Variants in AGAP9 observed in about 807,000 individuals in gnomAD.
AGAP9 encodes the protein ArfGAP with GTPase domain, ankyrin repeat and PH domain 9.
Under a neutral mutation model 55.6 loss-of-function variants are expected in AGAP9, and 23 were observed. The ratio of observed to expected loss-of-function variants is 0.41; its 90% CI spans 0.30 to 0.59. The LOEUF is 0.59. Ranked by LOEUF, AGAP9 falls within the 20% of genes least tolerant of loss-of-function variation. AGAP9 has a pLI of 0.25. For missense variants in AGAP9, 309 were observed against 808.1 expected (o/e 0.38, Z 7.49); for synonymous variants, 120 against 305.0 (o/e 0.39, Z 6.32).
intron 4 of AGAP9, among the ~76,000 whole-genome samples, chr10:47,517,506 A>G (rs1840740906): frequency 6.8e-6 from 1 of 147,820 alleles, no homozygotes; most frequent in South Asian, 2.1e-4. Context: ...TCCTGACCTC[A>G]GATGATCAGC....
At chr10:47,513,606 T>C (rs1156703763) in intron 4 of AGAP9, among the ~76,000 whole-genome samples, 2 of 140,070 alleles carry the variant, frequency 1.4e-5, no homozygotes, top group African/African-American at 5.2e-5. Context: ...ACAACAAATC[T>C]GGAGGCATGA....
rs1840479960 is a variant in AGAP9 at position 47,506,452 on chromosome 10, T to A, written c.533+1096A>T. On this transcript the variant is annotated intron_variant, in intron 6 of 7. Coordinates refer to ENST00000452145, the MANE Select transcript of AGAP9 (RefSeq NM_001190810.1). ...CTCAAGTGATTCTCCTGCCTCAGCCTCCCAAGTAACTGGGACTACAGGCAT... is the reference window on the plus strand; with the variant it reads ...CTCAAGTGATTCTCCTGCCTCAGCCACCCAAGTAACTGGGACTACAGGCAT... Among the ~76,000 whole-genome samples the A allele has an allele frequency of 1.5e-5, 2 of 137,858 alleles. 1 individual carries two copies. Among genetic ancestry groups the A allele is most frequent in the Non-Finnish European group, 3.1e-5 (2 of 64,902 alleles). The allele number at this position is 137,858 out of a possible 152,430, so 90.4% of individuals were successfully genotyped here. A position where few individuals can be genotyped will look rare whatever the true frequency, so the allele number is the denominator to read the frequency against.
chr10:47,506,643 T>TTTTG (rs1258344700), intron 6 of AGAP9, among the ~76,000 whole-genome samples: 1 of 141,830 alleles, frequency 7.1e-6, no homozygotes, highest in African/African-American at 2.6e-5. Flanking sequence ...TTATTGCTTT[T>TTTTG]TTTGTTTGTT....
rs1458936385 is a variant in AGAP9, at chr10:47,503,006, T to A, written c.1123A>T (p.Ile375Leu). 8.1e-6 allele frequency: 13 copies of A among 1,598,528 alleles called. No homozygotes were observed. The African/African-American group carries it at 1.8e-4, about 23-fold the overall frequency. The change falls in exon 8 of 8, where the codon ATA becomes TTA. Residue 375 changes from isoleucine (I) to leucine (L), a missense_variant. Ile to Leu is a conservative substitution (Grantham distance 5, BLOSUM62 2). Coordinates refer to ENST00000452145, the MANE Select transcript of AGAP9 (RefSeq NM_001190810.1). ...KDMDTGLGDS[I>L]CFSPGISSTT... Reference sequence around the variant, plus strand: ...CTGGAGATACCGGGGCTGAAGCATATGGAGTCACCCAGCCCGGTGTCCATG... The same window carrying A: ...CTGGAGATACCGGGGCTGAAGCATAAGGAGTCACCCAGCCCGGTGTCCATG...
Position 47,502,115 on chromosome 10 carries a change from T to C in AGAP9, c.*37A>G. ...GGGGCAGCCGTACTGCAGAAGCACG[T>C]TGATGCACTCCTGGCTGGAGGCCTG... On this transcript the variant is annotated 3_prime_UTR_variant, in exon 8 of 8. Coordinates refer to ENST00000452145, the MANE Select transcript of AGAP9 (RefSeq NM_001190810.1). The C allele has an allele frequency of 1.3e-6, 2 of 1,573,804 alleles. No individual in the cohort carries two copies. Among genetic ancestry groups the C allele is most frequent in the Non-Finnish European group, 1.7e-6 (2 of 1,156,812 alleles).
At chr10:47,509,891 A>G (rs1463852743) in intron 5 of AGAP9, among the ~76,000 whole-genome samples, 2 of 137,564 alleles carry the variant, frequency 1.5e-5, no homozygotes, top group African/African-American at 2.7e-5. Context: ...AAAACATTCA[A>G]TAAAGGGAAC....
chr10:47,511,218 C>T (rs1840615356), intron 4 of AGAP9, among the ~76,000 whole-genome samples: 1 of 140,794 alleles, frequency 7.1e-6, no homozygotes, highest in Non-Finnish European at 1.5e-5. Flanking sequence ...ACTGGGATTA[C>T]AGGCGTGAGC....
chr10:47,507,983 C>T (rs1272456886), intron 5 of AGAP9, among the ~76,000 whole-genome samples: 1 of 113,358 alleles, frequency 8.8e-6, no homozygotes, highest in African/African-American at 3.2e-5. Context: ...CAACCTCCAC[C>T]ACCCAGGTTC....
chr10:47,513,058 A>G (rs1840658285), intron 4 of AGAP9, among the ~76,000 whole-genome samples: 1 of 133,042 alleles, frequency 7.5e-6, no homozygotes, highest in Non-Finnish European at 1.6e-5. Flanking sequence ...TTTGAGATGG[A>G]GTCTTGCTCT....
At chr10:47,517,302 T>A (rs1840736921) in intron 4 of AGAP9, among the ~76,000 whole-genome samples, 1 of 99,026 alleles carries the variant, frequency 1.0e-5, no homozygotes, top group Non-Finnish European at 2.0e-5. Context: ...AGACAGAGTT[T>A]CGCTCTGTCG....
At position 47,502,862 on chromosome 10, in the gene AGAP9, A is replaced by T; in HGVS notation, c.1267T>A (p.Phe423Ile). The change falls in exon 8 of 8, where the codon TTT (phenylalanine) becomes ATT (isoleucine). Residue 423 changes from phenylalanine (F) to isoleucine (I), a missense_variant. Physicochemically the swap from Phe to Ile is conservative, Grantham distance 21. Coordinates refer to ENST00000452145, the MANE Select transcript of AGAP9 (RefSeq NM_001190810.1). ...CGCTCCTCATACGTCGTGGCTTCAA[A>T]GTGCCACGTTTGGCCAGTGGCAGAC... ...IVSATGQTWH[F>I]EATTYEERDA... is the part of the protein sequence containing the mutation. 1 of 1,604,558 alleles carries T rather than the reference A, an allele frequency of 6.2e-7. No homozygotes were observed. The highest frequency in any genetic ancestry group is 1.8e-4 in the Middle Eastern group (1 of 5,650).
intron 4 of AGAP9, among the ~76,000 whole-genome samples, chr10:47,511,504 T>G (rs2132485564): frequency 8.6e-6 from 1 of 116,170 alleles, no homozygotes; most frequent in East Asian, 4.3e-4. Context: ...GAGTATCACT[T>G]AAATATTCTC....
At chr10:47,507,815 A>G (rs1160502663) in intron 5 of AGAP9, among the ~76,000 whole-genome samples, 1 of 107,678 alleles carries the variant, frequency 9.3e-6, no homozygotes, top group Admixed American at 1.0e-4. Context: ...GTTGGTGATT[A>G]CAATATATAA....
intron 5 of AGAP9, among the ~76,000 whole-genome samples, chr10:47,508,066 T>A (rs1380783353): frequency 7.5e-6 from 1 of 133,882 alleles, no homozygotes; most frequent in African/African-American, 2.7e-5. Context: ...AGATAATTTT[T>A]TTTTTGGGGG....
chr10:47,511,223 G>C (rs1397209174), intron 4 of AGAP9, among the ~76,000 whole-genome samples: 3 of 141,028 alleles, frequency 2.1e-5, no homozygotes, highest in African/African-American at 7.9e-5. Flanking sequence ...GATTACAGGC[G>C]TGAGCCACGG....
rs1455781185 is a variant in AGAP9 at position 47,515,698 on chromosome 10, A to G, written c.396+2125T>C. Among the ~76,000 whole-genome samples the G allele has an allele frequency of 2.9e-3, 413 of 140,176 alleles. 26 individuals carry two copies. Among genetic ancestry groups the G allele is most frequent in the African/African-American group, 0.01 (385 of 38,168 alleles). 92.0% of individuals were successfully genotyped at this position (140,176 alleles called of 152,430 possible). ...AAATGGAACTCCAACTTTCTTTGCTAACTCTGCTTTTCCTTTCCAGGCCTG... is the reference window on the plus strand; with the variant it reads ...AAATGGAACTCCAACTTTCTTTGCTGACTCTGCTTTTCCTTTCCAGGCCTG... On this transcript the variant is annotated intron_variant, in intron 4 of 7. Transcript: ENST00000452145.
intron 5 of AGAP9, 57 bp from the exon 6 acceptor site, chr10:47,507,640 A>G: frequency 6.6e-7 from 1 of 1,526,170 alleles, no homozygotes; most frequent in South Asian, 1.1e-5. Context: ...AGGCCTGCAG[A>G]CATTTTTTAA....
In AGAP9 at chr10:47,504,398, ACTT is replaced by A. The variant is rs1356457599; in HGVS notation, c.534-161_534-159del. Among the ~76,000 whole-genome samples, 241 of 128,796 alleles carry A rather than the reference ACTT, an allele frequency of 1.9e-3. 4 individuals carry two copies. Among genetic ancestry groups the A allele is most frequent in the African/African-American group, 6.7e-3 (228 of 33,904 alleles). 84.5% of individuals were successfully genotyped at this position (128,796 alleles called of 152,430 possible). ...ATCCTGACTTGCAGAGGGTTTCCTG[ACTT>A]CTTCTTTCTCAGCACATCATGGTCT... is the stretch of plus-strand genomic sequence containing the variant. On this transcript the variant is annotated intron_variant, in intron 6 of 7. Transcript: ENST00000452145.
chr10:47,511,037 G>T (rs1352474556), intron 4 of AGAP9, among the ~76,000 whole-genome samples: 2 of 126,050 alleles, frequency 1.6e-5, no homozygotes, highest in African/African-American at 6.4e-5. Flanking sequence ...TCCGCCTCCC[G>T]GGTTCACGCC....
Sources: gnomAD v4.1 joint callset for allele counts (sites outside exome capture counted in the v4.1 genomes callset) on GRCh38, gnomAD v4.1.1 for gene constraint, MANE v1.5 for transcripts, NCBI Gene and HGNC (gene_info 2026-07-23, HGNC 2026-07-21) for gene names.